Variants in TRAPPC9 observed in about 807,000 individuals in gnomAD.
The protein encoded by TRAPPC9 is trafficking protein particle complex subunit 9, also known as IKK2 binding protein.
In TRAPPC9, 83 loss-of-function variants were observed where a neutral mutation model predicts 124.0. The observed-to-expected ratio is 0.67, with a 90% CI of 0.56 to 0.80. The LOEUF is 0.80. Ranked by LOEUF, TRAPPC9 falls within the 30% of genes least tolerant of loss-of-function variation. TRAPPC9 has a pLI of 0.00. For missense variants in TRAPPC9, 1,302 were observed against 1,508.3 expected (o/e 0.86, Z 2.27); for synonymous variants, 638 against 617.5 (o/e 1.03, Z -0.49).
chr8:139,953,224 G>T (rs574607233), intron 19 of TRAPPC9, among the ~76,000 whole-genome samples: 16 of 152,374 alleles, frequency 1.1e-4, no homozygotes, highest in African/African-American at 3.6e-4. Flanking sequence ...AGGAGTTGCG[G>T]CTCACGCCTG....
intron 17 of TRAPPC9, among the ~76,000 whole-genome samples, chr8:140,115,589 G>A (rs56102255): frequency 0.017 from 2,643 of 151,246 alleles, 34 homozygotes; most frequent in South Asian, 0.063. Flanking sequence ...TTTTTTGGTT[G>A]TATTATTTTT....
intron 15 of TRAPPC9, among the ~76,000 whole-genome samples, chr8:140,263,198 C>A (rs569162030): frequency 1.3e-5 from 2 of 152,114 alleles, no homozygotes; most frequent in Non-Finnish European, 2.9e-5. Flanking sequence ...CCAGAGGGAG[C>A]AACCACTCCA....
Position 140,311,279 on chromosome 8 carries a change from G to C in TRAPPC9, c.1591C>G (p.Pro531Ala), listed in dbSNP as rs2066289163. 2 of 1,612,998 alleles carry C rather than the reference G, an allele frequency of 1.2e-6. No homozygotes were observed. The highest frequency in any genetic ancestry group is 1.7e-6 in the Non-Finnish European group (2 of 1,180,028). Residue 531 changes from proline (P) to alanine (A), a missense_variant, in exon 10 of 23, where the codon CCG becomes GCG. This residue lies in a region of TRAPPC9 where 657 missense variants were observed against 811.2 expected (regional missense o/e 0.81). Coordinates refer to ENST00000438773, the MANE Select transcript of TRAPPC9 (RefSeq NM_001160372.4). ...ATGGGAAGCTTGGTGAAGGGCACCG[G>C]TGGCAGGGTGAGGCCGCCAGGGAGG... ...IALPGGLTLPPVPFTKLPIVR... is the reference protein window; with the variant it reads ...IALPGGLTLPAVPFTKLPIVR...
chr8:139,985,228 A>T (rs1204557875), intron 19 of TRAPPC9, among the ~76,000 whole-genome samples: 1 of 152,230 alleles, frequency 6.6e-6, no homozygotes, highest in African/African-American at 2.4e-5. Context: ...TCAGCCTCAC[A>T]TTGCCAAGAA....
chr8:140,420,727 C>G (rs968440574), intron 5 of TRAPPC9, among the ~76,000 whole-genome samples: 37 of 151,824 alleles, frequency 2.4e-4, no homozygotes, highest in Non-Finnish European at 4.4e-5. Context: ...AAACAAATAT[C>G]TAGTGAAAAA....
chr8:140,137,406 A>G (rs756710138), intron 17 of TRAPPC9, among the ~76,000 whole-genome samples: 3 of 152,222 alleles, frequency 2.0e-5, no homozygotes, highest in Non-Finnish European at 2.9e-5. Flanking sequence ...ATCACTCATC[A>G]TAGAGATGAG....
chr8:139,783,056 A>G (rs981707281), intron 21 of TRAPPC9, among the ~76,000 whole-genome samples: 1 of 152,144 alleles, frequency 6.6e-6, no homozygotes. Context: ...CAATGCTTAC[A>G]AGGAAATTCA....
intron 8 of TRAPPC9, among the ~76,000 whole-genome samples, chr8:140,366,708 A>C (rs1288883655): frequency 6.6e-6 from 1 of 152,228 alleles, no homozygotes; most frequent in Non-Finnish European, 1.5e-5. Flanking sequence ...ATAACCCATC[A>C]AAGAAAGAAT....
At chr8:140,000,315 G>A (rs1373798226) in intron 18 of TRAPPC9, among the ~76,000 whole-genome samples, 1 of 152,120 alleles carries the variant, frequency 6.6e-6, no homozygotes, top group African/African-American at 2.4e-5. Flanking sequence ...TCAGGACATA[G>A]GCATGGGCAA....
chr8:140,066,103 T>C (rs1842884057), intron 17 of TRAPPC9, among the ~76,000 whole-genome samples: 2 of 152,212 alleles, frequency 1.3e-5, no homozygotes, highest in Non-Finnish European at 2.9e-5. Flanking sequence ...GTGGAAGAAG[T>C]TGAATCCAGA....
rs549418351 is a variant in TRAPPC9 at position 139,950,910 on chromosome 8, G to C, written c.2810+37816C>G. On this transcript the variant is annotated intron_variant, in intron 19 of 22. Coordinates refer to ENST00000438773, the MANE Select transcript of TRAPPC9 (RefSeq NM_001160372.4). Reference sequence around the variant, plus strand: ...ATGCGGCAAGAGGAGGCGCGGCAGGGAGGGAGCCGCACCCGCCTTACAGCC... The same window carrying C: ...ATGCGGCAAGAGGAGGCGCGGCAGGCAGGGAGCCGCACCCGCCTTACAGCC... 3.7e-3 allele frequency among the ~76,000 whole-genome samples: 558 copies of C among 152,316 alleles called. 3 individuals carry two copies. The highest frequency in any genetic ancestry group is 0.012 in the African/African-American group (508 of 41,572).
intron 21 of TRAPPC9, among the ~76,000 whole-genome samples, chr8:139,786,830 A>G (rs1822288255): frequency 6.6e-6 from 1 of 152,210 alleles, no homozygotes; most frequent in Non-Finnish European, 1.5e-5. Flanking sequence ...TTAAAACTCT[A>G]GAAAGTGCAA....
intron 18 of TRAPPC9, among the ~76,000 whole-genome samples, chr8:140,022,355 C>G (rs138433436): frequency 6.6e-6 from 1 of 152,138 alleles, no homozygotes; most frequent in Non-Finnish European, 1.5e-5. Flanking sequence ...AAAAGAACCA[C>G]GGAAACCAAA....
intron 4 of TRAPPC9, among the ~76,000 whole-genome samples, chr8:140,434,426 T>C (rs759162327): frequency 6.6e-6 from 1 of 152,144 alleles, no homozygotes; most frequent in Non-Finnish European, 1.5e-5. Flanking sequence ...AAACAACTCA[T>C]TGAGAGAATG....
chr8:139,868,336 A>G (rs1828679132), intron 21 of TRAPPC9, among the ~76,000 whole-genome samples: 1 of 152,210 alleles, frequency 6.6e-6, no homozygotes, highest in African/African-American at 2.4e-5. Flanking sequence ...AGCCTGGGCA[A>G]CAGAGCGAGA....
chr8:140,092,087 A>C (rs1844603995), intron 17 of TRAPPC9, among the ~76,000 whole-genome samples: 1 of 151,924 alleles, frequency 6.6e-6, no homozygotes, highest in Admixed American at 6.6e-5. Flanking sequence ...AAAAAAAAAA[A>C]AAAAACAAAC....
At chr8:140,001,280 C>T (rs984754091) in intron 18 of TRAPPC9, among the ~76,000 whole-genome samples, 2 of 151,994 alleles carry the variant, frequency 1.3e-5, no homozygotes, top group Non-Finnish European at 2.9e-5. Context: ...AGGAGAAATA[C>T]CTAATGTAAA....
intron 15 of TRAPPC9, 106 bp from the exon 16 acceptor site, chr8:140,253,035 G>A: frequency 1.7e-6 from 2 of 1,156,538 alleles, no homozygotes; most frequent in South Asian, 2.6e-5. Flanking sequence ...CAAGGAAAAA[G>A]AAGAGCTTTT....
In TRAPPC9 at chr8:140,064,413, G is replaced by T. The variant is rs191388201; in HGVS notation, c.2557-40334C>A. Among the ~76,000 whole-genome samples the T allele has an allele frequency of 9.9e-5, 15 of 152,244 alleles. 1 individual carries two copies. Among genetic ancestry groups the T allele is most frequent in the African/African-American group, 3.1e-4 (13 of 41,548 alleles). On this transcript the variant is annotated intron_variant, in intron 17 of 22. Transcript: ENST00000438773. Reference sequence around the variant, plus strand: ...GAGCGACAAGGAGGCATTTTAAAACGGATGAAATATAAAGGCTCTTAGGAA... The same window carrying T: ...GAGCGACAAGGAGGCATTTTAAAACTGATGAAATATAAAGGCTCTTAGGAA...
Sources: gnomAD v4.1 joint callset for allele counts (sites outside exome capture counted in the v4.1 genomes callset) on GRCh38, gnomAD v4.1.1 for gene constraint, gnomAD v4.1.1 regional missense constraint, MANE v1.5 for transcripts, NCBI Gene and HGNC (gene_info 2026-07-23, HGNC 2026-07-21) for gene names.